ZNF341: variants seen among roughly 807,000 people sequenced by gnomAD.
The protein encoded by ZNF341 is zinc finger protein 341.
Under a neutral mutation model 87.7 loss-of-function variants are expected in ZNF341, and 52 were observed. That is an observed-to-expected ratio of 0.59 (90% CI 0.47 to 0.75). The LOEUF (loss-of-function observed/expected upper bound fraction) is 0.75. Ranked by LOEUF, ZNF341 falls within the 30% of genes least tolerant of loss-of-function variation. The pLI, the probability that ZNF341 is intolerant of heterozygous loss-of-function variation, is 0.00. For synonymous variants in ZNF341, 459 were observed against 472.7 expected, an observed-to-expected ratio of 0.97 and a Z score of 0.38; for missense variants, 977 against 1,145.9, an observed-to-expected ratio of 0.85 and a Z score of 2.13.
In ZNF341 at chr20:33,745,160, C is replaced by A. The variant is rs140477900; in HGVS notation, c.200C>A (p.Ala67Glu). Residue 67 changes from alanine (A) to glutamate (E), a missense_variant, in exon 3 of 15, where the codon GCG becomes GAG. Transcript: ENST00000375200. ...AAGAAGCAATTCAACTCGCTGCCAG[C>A]GTTTATGACCCACAAGCGGGAACAG... ...KCKKQFNSLP[A>E]FMTHKREQCQ... The A allele has an allele frequency of 1.9e-6, 3 of 1,614,076 alleles. No individual in the cohort carries two copies. Among genetic ancestry groups the A allele is most frequent in the Non-Finnish European group, 2.5e-6 (3 of 1,179,930 alleles).
intron 1 of ZNF341, among the ~76,000 whole-genome samples, chr20:33,733,624 C>G (rs369777091): frequency 1.3e-5 from 2 of 151,928 alleles, no homozygotes; most frequent in East Asian, 3.9e-4. Context: ...CTGCCCGCCT[C>G]AGCCTCCCAA....
Position 33,783,810 on chromosome 20 carries a change from A to T in ZNF341, c.1798A>T (p.Lys600Ter). The change falls in exon 12 of 15, where the codon AAG (lysine) becomes TAG (stop). Residue 600 changes from lysine (K) to a stop codon, truncating the protein, a stop_gained. Transcript: ENST00000375200. LOFTEE classifies it high-confidence loss of function. ...SGGRFKCQVC[K>*]KFFRREHYLK... ...GGGCAGGTTCAAGTGCCAAGTGTGC[A>T]AGAAGTTCTTCCGGCGGGAGCATTA... 1 of 1,613,734 alleles carries T rather than the reference A, an allele frequency of 6.2e-7. No individual in the cohort carries two copies. The highest frequency in any genetic ancestry group is 8.5e-7 in the Non-Finnish European group (1 of 1,179,820).
At chr20:33,741,097 G>A in intron 2 of ZNF341, 85 bp downstream of exon 2, 1 of 1,299,434 alleles carries the variant, frequency 7.7e-7, no homozygotes, top group Non-Finnish European at 1.1e-6. Flanking sequence ...CTGTGGGAGT[G>A]AAATGCTTGC....
intron 10 of ZNF341, 39 bp downstream of exon 10, chr20:33,770,331 T>TGGGGG: frequency 2.6e-6 from 1 of 388,330 alleles, no homozygotes; most frequent in Non-Finnish European, 5.3e-6. Flanking sequence ...GGTGGACGGG[T>TGGGGG]GGGTGGGCAG....
intron 9 of ZNF341, 31 bp from the exon 10 acceptor site, chr20:33,770,053 T>C: frequency 6.4e-7 from 1 of 1,562,660 alleles, no homozygotes; most frequent in Non-Finnish European, 8.8e-7. Context: ...CTCTCCTGCC[T>C]CCTGTCACCT....
At chr20:33,764,742 T>A (rs899958347) in intron 8 of ZNF341, among the ~76,000 whole-genome samples, 12 of 151,442 alleles carry the variant, frequency 7.9e-5, no homozygotes, top group South Asian at 4.2e-4. Flanking sequence ...ATTCTTTTTT[T>A]AATAAATTTT....
At chr20:33,739,787 C>T (rs2018764023) in intron 1 of ZNF341, among the ~76,000 whole-genome samples, 1 of 152,132 alleles carries the variant, frequency 6.6e-6, no homozygotes, top group South Asian at 2.1e-4. Flanking sequence ...TTATTTCTTT[C>T]ACATGAAAGT....
Position 33,791,423 on chromosome 20 carries a change from T to C in ZNF341, c.2471T>C (p.Leu824Pro). 1.2e-6 allele frequency: 2 copies of C among 1,611,542 alleles called. No homozygotes were observed. Among genetic ancestry groups the C allele is most frequent in the Non-Finnish European group, 1.7e-6 (2 of 1,179,650 alleles). ...GTGGTACCTGGACACGCTGAGGGGC[T>C]GGGCTCCAACCTGGCTCTGGCGGAG... is the stretch of plus-strand genomic sequence containing the variant. ...ELVVPGHAEG[L>P]GSNLALAELQ... Residue 824 changes from leucine to proline, a missense_variant, in exon 15 of 15, where the codon CTG becomes CCG. Leu to Pro is a moderately conservative substitution (Grantham distance 98, BLOSUM62 -3). Around this residue, in one of 3 missense-constraint regions of ZNF341, gnomAD observed 221 missense variants for 212.7 expected, o/e 1.04. Transcript: ENST00000375200.
intron 10 of ZNF341, among the ~76,000 whole-genome samples, chr20:33,777,202 G>A (rs1052009131): frequency 6.7e-6 from 1 of 148,726 alleles, no homozygotes; most frequent in Non-Finnish European, 1.5e-5. Context: ...ATATGCCTGT[G>A]GTCTCAGCTG....
Position 33,770,224 on chromosome 20 carries a change from G to T in ZNF341, c.1554G>T (p.Leu518=), listed in dbSNP as rs758894882. The T allele has an allele frequency of 6.2e-7, 1 of 1,614,120 alleles. No homozygotes were observed. The highest frequency in any genetic ancestry group is 1.1e-5 in the South Asian group (1 of 91,078). ...AGGACTTCCCCTCGCTGTACGACCTGGGCGTGCACCAGTACTCCCACAGCC... is the reference window on the plus strand; with the variant it reads ...AGGACTTCCCCTCGCTGTACGACCTTGGCGTGCACCAGTACTCCCACAGCC... ...CGKDFPSLYD[L]GVHQYSHSLL... is the part of the protein sequence containing the mutation. The change falls in exon 10 of 15, where the codon CTG becomes CTT. Residue 518 remains leucine (L), a synonymous_variant. Coordinates refer to ENST00000375200, the MANE Select transcript of ZNF341 (RefSeq NM_001282933.2).
At chr20:33,790,666 C>T (rs1188797908) in intron 14 of ZNF341, among the ~76,000 whole-genome samples, 1 of 152,128 alleles carries the variant, frequency 6.6e-6, no homozygotes, top group Non-Finnish European at 1.5e-5. Context: ...CTGTGGGTGG[C>T]CTCAGGCGTC....
At chr20:33,743,915 T>C (rs2018861980) in intron 2 of ZNF341, among the ~76,000 whole-genome samples, 1 of 152,174 alleles carries the variant, frequency 6.6e-6, no homozygotes, top group Non-Finnish European at 1.5e-5. Flanking sequence ...GGACTCACAG[T>C]CTGGTGTTGA....
At position 33,767,039 on chromosome 20, in the gene ZNF341, C is replaced by T; in HGVS notation, c.1411C>T (p.Gln471Ter). The stretch of plus-strand genomic sequence containing the variant: ...TCACATGACCCAGCATAAGAATGAG[C>T]AGGTAGGTGGATGGTGGCAGCAGGG... Reference protein sequence around the residue: ...KSHMTQHKNEQVYKCVVKSCA... With the variant: ...KSHMTQHKNE The change falls in exon 9 of 15, where the codon CAG becomes TAG. Residue 471 changes from glutamine to a stop codon, truncating the protein, a stop_gained and splice_region_variant. Transcript: ENST00000375200. LOFTEE classifies it high-confidence loss of function. 1 of 1,610,768 alleles carries T rather than the reference C, an allele frequency of 6.2e-7. No individual in the cohort carries two copies. The highest frequency in any genetic ancestry group is 8.5e-7 in the Non-Finnish European group (1 of 1,178,060).
intron 10 of ZNF341, 124 bp from the exon 11 acceptor site, chr20:33,781,167 G>A: frequency 1.4e-6 from 1 of 737,512 alleles, no homozygotes; most frequent in Non-Finnish European, 2.4e-6. Flanking sequence ...TGAGAAGAGT[G>A]GATGGATTTG....
chr20:33,752,285 C>G (rs571140597), intron 4 of ZNF341: 1 of 599,494 alleles, frequency 1.7e-6, no homozygotes, highest in East Asian at 3.5e-5. Context: ...TCTGGACAAC[C>G]GCACACGGAT....
rs551359447 is a variant in ZNF341, at chr20:33,770,979, G to T, written c.1622+687G>T. Among the ~76,000 whole-genome samples, 38 of 151,912 alleles carry T rather than the reference G, an allele frequency of 2.5e-4. No individual in the cohort carries two copies. The East Asian group carries it at 6.9e-3, about 27-fold the overall frequency. ...ACTAAAAATACAAAAAAAATTAGCC[G>T]GGCGTGGTGGTGGGCGCCTGTAGTC... On this transcript the variant is annotated intron_variant, in intron 10 of 14. Coordinates refer to ENST00000375200, the MANE Select transcript of ZNF341 (RefSeq NM_001282933.2).
chr20:33,745,371 TG>T, intron 3 of ZNF341, 72 bp downstream of exon 3: 1 of 1,468,720 alleles, frequency 6.8e-7, no homozygotes, highest in Non-Finnish European at 9.2e-7. Flanking sequence ...TGCTGGGCAC[TG>T]GGGCTATAGC....
In ZNF341 at chr20:33,770,218, C is replaced by T. The variant is rs143692741; in HGVS notation, c.1548C>T (p.Tyr516=). 6.2e-4 allele frequency: 997 copies of T among 1,614,156 alleles called. 19 individuals carry two copies. In the East Asian group the frequency reaches 0.021, roughly 34 times the overall value. The change falls in exon 10 of 15, where the codon TAC becomes TAT. Residue 516 remains tyrosine (Y), a synonymous_variant. Coordinates refer to ENST00000375200, the MANE Select transcript of ZNF341 (RefSeq NM_001282933.2). The part of the protein sequence containing the change: ...HLCGKDFPSL[Y]DLGVHQYSHS... ...GCGGCAAGGACTTCCCCTCGCTGTA[C>T]GACCTGGGCGTGCACCAGTACTCCC...
intron 9 of ZNF341, among the ~76,000 whole-genome samples, chr20:33,769,369 T>G (rs1319836432): frequency 1.3e-3 from 3 of 2,318 alleles, no homozygotes; most frequent in South Asian, 0.011. Context: ...GGTGAAGGGG[T>G]GGTGGTGGGG....
Sources: allele counts gnomAD v4.1 joint callset (sites outside exome capture counted in the v4.1 genomes callset), GRCh38; gene constraint gnomAD v4.1.1; regional missense constraint gnomAD v4.1.1; transcripts MANE v1.5; gene names NCBI Gene and HGNC (gene_info 2026-07-23, HGNC 2026-07-21).